Variants in PABPC4L observed in about 807,000 individuals in gnomAD.
PABPC4L encodes the protein poly(A) binding protein cytoplasmic 4 like, also known as polyadenylate-binding protein 4-like.
For missense variants in PABPC4L, 452 were observed against 451.4 expected, an observed-to-expected ratio of 1.00 and a Z score of -0.01; for synonymous variants, 169 against 164.1, an observed-to-expected ratio of 1.03 and a Z score of -0.23.
At chr4:133,996,323 C>T in the PABPC4L span, among the ~76,000 whole-genome samples, 3 of 152,104 alleles carry the variant, frequency 2.0e-5, no homozygotes, top group African/African-American at 7.2e-5. Context: ...TAAGATTTCT[C>T]CCCACTTGTT....
chr4:134,185,570 A>G, the PABPC4L span, among the ~76,000 whole-genome samples: 11 of 152,174 alleles, frequency 7.2e-5, no homozygotes, highest in Non-Finnish European at 1.0e-4. Context: ...ATAAACCCAC[A>G]GCCAATATCA....
At chr4:134,060,258 G>C in the PABPC4L span, among the ~76,000 whole-genome samples, 4 of 151,872 alleles carry the variant, frequency 2.6e-5, no homozygotes, top group Non-Finnish European at 5.9e-5. Flanking sequence ...AACTAGAAAG[G>C]CTGTCTAGGC....
the PABPC4L span, among the ~76,000 whole-genome samples, chr4:133,973,952 G>A: frequency 2.0e-5 from 3 of 152,116 alleles, no homozygotes; most frequent in Non-Finnish European, 2.9e-5. Flanking sequence ...CAAATGCACA[G>A]AGATGTTCAT....
At chr4:134,100,519 T>C in the PABPC4L span, among the ~76,000 whole-genome samples, 1 of 151,674 alleles carries the variant, frequency 6.6e-6, no homozygotes, top group African/African-American at 2.4e-5. Context: ...GATGATTCAA[T>C]GCGTGTGCTG....
chr4:134,138,668 T>A, the PABPC4L span, among the ~76,000 whole-genome samples: 1 of 151,732 alleles, frequency 6.6e-6, no homozygotes, highest in African/African-American at 2.4e-5. Context: ...TAATTTTAAT[T>A]TTTTTTGAAA....
the PABPC4L span, among the ~76,000 whole-genome samples, chr4:134,167,123 A>G: frequency 6.6e-6 from 1 of 152,150 alleles, no homozygotes; most frequent in African/African-American, 2.4e-5. Context: ...GTGACACTGT[A>G]GTGCTAGATA....
chr4:134,012,922 C>T, the PABPC4L span, among the ~76,000 whole-genome samples: 8 of 152,192 alleles, frequency 5.3e-5, no homozygotes, highest in Admixed American at 3.3e-4. Flanking sequence ...ACGTTTTACC[C>T]GTGGACCCAA....
At chr4:134,044,375 T>C in the PABPC4L span, among the ~76,000 whole-genome samples, 1 of 152,160 alleles carries the variant, frequency 6.6e-6, no homozygotes, top group Non-Finnish European at 1.5e-5. Flanking sequence ...AGCATTCTCC[T>C]GCCTCAGCCT....
the PABPC4L span, among the ~76,000 whole-genome samples, chr4:134,149,462 G>A: frequency 9.2e-5 from 14 of 152,200 alleles, 1 homozygote; most frequent in East Asian, 3.9e-4. Context: ...TTATGCTATC[G>A]GTTTACTAAT....
At position 134,196,836 on chromosome 4, in the gene PABPC4L, G is replaced by A. The variant is rs1729674598; in HGVS notation, c.*3071C>T. ...TGTCTTTTTTTTTTTTACAGCAAATGCTGGAAATAAGCAATTTCTACTAAG... is the reference window on the plus strand; with the variant it reads ...TGTCTTTTTTTTTTTTACAGCAAATACTGGAAATAAGCAATTTCTACTAAG... On this transcript the variant is annotated 3_prime_UTR_variant, in exon 2 of 2. Coordinates refer to ENST00000421491, the MANE Select transcript of PABPC4L (RefSeq NM_001114734.2). 2 of 150,306 alleles carry A rather than the reference G, an allele frequency of 1.3e-5. No homozygotes were observed. The highest frequency in any genetic ancestry group is 4.2e-4 in the South Asian group (2 of 4,792). 9.3% of individuals were successfully genotyped at this position (150,306 alleles called of 1,614,324 possible). A position where few individuals can be genotyped will look rare whatever the true frequency, so the allele number is the denominator to read the frequency against.
the PABPC4L span, among the ~76,000 whole-genome samples, chr4:134,024,682 C>T: frequency 6.6e-6 from 1 of 151,954 alleles, no homozygotes; most frequent in African/African-American, 2.4e-5. Flanking sequence ...CTGGGGGAAA[C>T]AATTCACTTC....
the PABPC4L span, among the ~76,000 whole-genome samples, chr4:133,971,109 T>C: frequency 1.6e-5 from 2 of 124,140 alleles, no homozygotes; most frequent in African/African-American, 3.2e-5. Flanking sequence ...TTATATTCTT[T>C]TTTTTTTTTT....
the PABPC4L span, among the ~76,000 whole-genome samples, chr4:134,058,927 G>A: frequency 1.3e-5 from 2 of 151,986 alleles, no homozygotes; most frequent in African/African-American, 4.8e-5. Context: ...TAGACGAGCA[G>A]TGAACACTGA....
At chr4:134,021,976 C>T in the PABPC4L span, among the ~76,000 whole-genome samples, 176 of 152,220 alleles carry the variant, frequency 1.2e-3, no homozygotes, top group African/African-American at 4.0e-3. Context: ...TACTAACAGA[C>T]AGCTATATCA....
chr4:133,993,366 T>C, the PABPC4L span, among the ~76,000 whole-genome samples: 1 of 152,202 alleles, frequency 6.6e-6, no homozygotes, highest in Non-Finnish European at 1.5e-5. Flanking sequence ...AACTGTGAGC[T>C]GATGTAAGCC....
chr4:134,045,064 A>G, the PABPC4L span, among the ~76,000 whole-genome samples: 10 of 152,094 alleles, frequency 6.6e-5, no homozygotes, highest in African/African-American at 2.4e-4. Flanking sequence ...TTATTCTTTG[A>G]TCGCAAGAGG....
downstream of PABPC4L, among the ~76,000 whole-genome samples, chr4:134,194,125 A>G (rs1729587894): frequency 6.6e-6 from 1 of 151,912 alleles, no homozygotes; most frequent in South Asian, 2.1e-4. Context: ...TAATAAAAAA[A>G]GAAGAGTTAT....
At chr4:133,988,092 C>G in the PABPC4L span, among the ~76,000 whole-genome samples, 3 of 152,148 alleles carry the variant, frequency 2.0e-5, no homozygotes, top group Non-Finnish European at 4.4e-5. Flanking sequence ...ATTCAATTAC[C>G]TCCCACAATG....
At chr4:133,954,946 G>A in the PABPC4L span, among the ~76,000 whole-genome samples, 1 of 152,068 alleles carries the variant, frequency 6.6e-6, no homozygotes, top group Non-Finnish European at 1.5e-5. Flanking sequence ...TACCCAAACT[G>A]CATCAAATTC....
Sources: gnomAD v4.1 joint callset for allele counts (sites outside exome capture counted in the v4.1 genomes callset) on GRCh38, gnomAD v4.1.1 for gene constraint, MANE v1.5 for transcripts, NCBI Gene and HGNC (gene_info 2026-07-23, HGNC 2026-07-21) for gene names.